Variants in PTPN21 observed in about 807,000 individuals in gnomAD.
PTPN21 encodes tyrosine-protein phosphatase non-receptor type 21.
Under a neutral mutation model 131.8 loss-of-function variants are expected in PTPN21, and 77 were observed. The observed-to-expected ratio is 0.58, with a 90% CI of 0.49 to 0.71. The LOEUF (loss-of-function observed/expected upper bound fraction) is 0.71, where lower values mean the gene tolerates loss of function less well. Among genes scored for constraint, PTPN21 ranks in the 30% least tolerant of loss-of-function variants. The pLI is 0.00. For synonymous variants in PTPN21, 715 were observed against 621.3 expected (o/e 1.15, Z -2.24); for missense variants, 1,552 against 1,527.1 (o/e 1.02, Z -0.27).
At chr14:88,478,792 G>C in intron 13 of PTPN21, 128 bp downstream of exon 13, 2 of 508,018 alleles carry the variant, frequency 3.9e-6, no homozygotes, top group Admixed American at 3.9e-5. Context: ...CAAAAAGAGA[G>C]TGACGTGGGG....
intron 2 of PTPN21, among the ~76,000 whole-genome samples, chr14:88,518,544 C>T (rs911920941): frequency 7.0e-6 from 1 of 143,018 alleles, no homozygotes; most frequent in Admixed American, 7.3e-5. Flanking sequence ...CATTCTCCTG[C>T]CTCAGCCTCC....
At chr14:88,480,433 T>A in intron 12 of PTPN21, 81 bp from the exon 13 acceptor site, 1 of 1,103,720 alleles carries the variant, frequency 9.1e-7, no homozygotes, top group Non-Finnish European at 1.3e-6. Context: ...CCCTTACCTC[T>A]GATGACATTT....
At chr14:88,545,461 A>C (rs1208139996) in intron 2 of PTPN21, among the ~76,000 whole-genome samples, 1 of 152,200 alleles carries the variant, frequency 6.6e-6, no homozygotes, top group African/African-American at 2.4e-5. Context: ...CCAGGTGGCC[A>C]CTTGTGTCAC....
chr14:88,534,182 T>C (rs933634412), intron 2 of PTPN21, among the ~76,000 whole-genome samples: 1 of 142,150 alleles, frequency 7.0e-6, no homozygotes, highest in African/African-American at 2.7e-5. Context: ...AAGATCAGCC[T>C]GGCCAACGCG....
chr14:88,531,730 A>G (rs376590386), intron 2 of PTPN21, among the ~76,000 whole-genome samples: 2 of 152,182 alleles, frequency 1.3e-5, no homozygotes, highest in African/African-American at 4.8e-5. Context: ...ACAAGAACCA[A>G]CCAAACCCAA....
At position 88,479,824 on chromosome 14, in the gene PTPN21, G is replaced by C. The variant is rs1380179700; in HGVS notation, c.1607C>G (p.Ala536Gly). The change falls in exon 13 of 19, where the codon GCG (alanine) becomes GGG (glycine). Residue 536 changes from alanine to glycine, a missense_variant. Ala to Gly is a moderately conservative substitution (Grantham distance 60, BLOSUM62 0). Around this residue, in one of 4 missense-constraint regions of PTPN21, gnomAD observed 1,016 missense variants for 883.5 expected, o/e 1.15. Coordinates refer to ENST00000556564, the MANE Select transcript of PTPN21 (RefSeq NM_007039.4). ...YPAERRPVVG[A>G]VSVPELTNAQ... is the part of the protein sequence containing the mutation. ...ATTGGTCAGCTCCGGCACGCTGACC[G>C]CGCCCACCACGGGCCGCCGCTCGGC... The C allele has an allele frequency of 6.5e-7, 1 of 1,548,624 alleles. No homozygotes were observed. Among genetic ancestry groups the C allele is most frequent in the African/African-American group, 1.4e-5 (1 of 73,968 alleles).
At position 88,496,562 on chromosome 14, in the gene PTPN21, T is replaced by A. The variant is rs186936342; in HGVS notation, c.853-70A>T. On this transcript the variant is annotated intron_variant, in intron 9 of 18. Coordinates refer to ENST00000556564, the MANE Select transcript of PTPN21 (RefSeq NM_007039.4). ...AACTTGATACGTTTAATGCAGAGTT[T>A]GTCTAAAGACATAATGGGTGACATC... 305 of 1,205,150 alleles carry A rather than the reference T, an allele frequency of 2.5e-4. 3 individuals carry two copies. The African/African-American group carries it at 4.1e-3, about 16-fold the overall frequency. 74.7% of individuals were successfully genotyped at this position (1,205,150 alleles called of 1,614,324 possible).
chr14:88,552,326 A>G (rs920388293), intron 1 of PTPN21: 1 of 152,264 alleles, frequency 6.6e-6, no homozygotes, highest in Non-Finnish European at 1.5e-5. Flanking sequence ...CGGCTTTGCC[A>G]AACTTAACAT....
In PTPN21 at chr14:88,505,379, G is replaced by C; in HGVS notation, c.449-8C>G. On this transcript the variant is annotated splice_polypyrimidine_tract_variant and splice_region_variant and intron_variant, in intron 4 of 18. Coordinates refer to ENST00000556564, the MANE Select transcript of PTPN21 (RefSeq NM_007039.4). Reference sequence around the variant, plus strand: ...CAAAGTCACCAAAATCCGCTATATAGAATGACAAACATTCACGTTAATTAT... The same window carrying C: ...CAAAGTCACCAAAATCCGCTATATACAATGACAAACATTCACGTTAATTAT... The C allele has an allele frequency of 6.3e-7, 1 of 1,577,310 alleles. No individual in the cohort carries two copies. Among genetic ancestry groups the C allele is most frequent in the Non-Finnish European group, 8.7e-7 (1 of 1,154,714 alleles).
In PTPN21 at chr14:88,479,362, G is replaced by A. The variant is rs768389107; in HGVS notation, c.2069C>T (p.Ala690Val). The change falls in exon 13 of 19, where the codon GCG (alanine) becomes GTG (valine). Residue 690 changes from alanine to valine, a missense_variant. By Grantham distance (64) the Ala-to-Val change is moderately conservative. Around this residue, in one of 4 missense-constraint regions of PTPN21, gnomAD observed 1,016 missense variants for 883.5 expected, o/e 1.15. Coordinates refer to ENST00000556564, the MANE Select transcript of PTPN21 (RefSeq NM_007039.4). ...CTTATGGCCGTACCTCAAGCCCTCC[G>A]CCTCCTCCGGCCCTTCTCGCTGTGT... ...ERTQREGPEEAEGLRYGHKKS... is the reference protein window; with the variant it reads ...ERTQREGPEEVEGLRYGHKKS... 3 of 1,612,320 alleles carry A rather than the reference G, an allele frequency of 1.9e-6. No homozygotes were observed. The highest frequency in any genetic ancestry group is 1.7e-5 in the Admixed American group (1 of 60,002).
chr14:88,516,332 G>A (rs1595390041), intron 3 of PTPN21, among the ~76,000 whole-genome samples: 1 of 151,844 alleles, frequency 6.6e-6, no homozygotes, highest in Middle Eastern at 3.4e-3. Flanking sequence ...AGGACACAAA[G>A]ATGAAAGGGC....
intron 2 of PTPN21, among the ~76,000 whole-genome samples, chr14:88,525,399 G>C (rs866982345): frequency 6.6e-6 from 1 of 151,982 alleles, no homozygotes; most frequent in Admixed American, 6.6e-5. Flanking sequence ...TATTAAAATG[G>C]GCAAAGGACT....
intron 8 of PTPN21, 89 bp downstream of exon 8, chr14:88,500,694 C>A: frequency 1.1e-6 from 1 of 907,480 alleles, no homozygotes. Context: ...TTGGTATAGA[C>A]TTGTGAACAA....
intron 2 of PTPN21, among the ~76,000 whole-genome samples, chr14:88,532,542 A>C (rs1317175145): frequency 6.6e-6 from 1 of 152,242 alleles, no homozygotes; most frequent in African/African-American, 2.4e-5. Flanking sequence ...GCAATCAAAA[A>C]TACATATTAA....
At chr14:88,470,170 T>A in intron 15 of PTPN21, 120 bp from the exon 16 acceptor site, 2 of 851,760 alleles carry the variant, frequency 2.3e-6, no homozygotes, top group Non-Finnish European at 3.6e-6. Context: ...AAAAAAGTAG[T>A]AAACTGGATT....
chr14:88,485,853 G>T lies in PTPN21; in HGVS notation c.933-11C>A. ...ACAGTCTGAGTTTGCCTATAAAATA[G>T]GATGACTCTGAGAAGAGCACATACA... On this transcript the variant is annotated splice_polypyrimidine_tract_variant and intron_variant, in intron 10 of 18. Coordinates refer to ENST00000556564, the MANE Select transcript of PTPN21 (RefSeq NM_007039.4). 6.3e-7 allele frequency: 1 copy of T among 1,577,850 alleles called. No individual in the cohort carries two copies.
intron 2 of PTPN21, among the ~76,000 whole-genome samples, chr14:88,548,801 T>C (rs1427020279): frequency 6.6e-6 from 1 of 152,180 alleles, no homozygotes; most frequent in African/African-American, 2.4e-5. Context: ...TCACAGGCCT[T>C]GCATAACATT....
rs747677888 is a variant in PTPN21 at position 88,469,034 on chromosome 14, C to T, written c.3278G>A (p.Ser1093Asn). The change falls in exon 18 of 19, where the codon AGC (serine) becomes AAC (asparagine). Residue 1093 changes from serine to asparagine, a missense_variant. Physicochemically the swap from Ser to Asn is conservative, Grantham distance 46. Transcript: ENST00000556564. This position sits in a 1 kb window ranked among gnomAD's most constrained non-coding sequence, Gnocchi z 4.3. ...EIQSVRRHTN[S>N]TSDPQSPNPP... ...GTTGGGGCTTTGGGGATCACTTGTG[C>T]TATTTGTATGGCGTCGAACAGACTG... 2.5e-6 allele frequency: 4 copies of T among 1,614,156 alleles called. No homozygotes were observed. The highest frequency in any genetic ancestry group is 1.7e-5 in the Admixed American group (1 of 60,024).
At chr14:88,535,111 T>G (rs924051226) in intron 2 of PTPN21, among the ~76,000 whole-genome samples, 1 of 152,158 alleles carries the variant, frequency 6.6e-6, no homozygotes, top group African/African-American at 2.4e-5. Context: ...TAGATATGTT[T>G]AAGTACACAA....
Sources: gnomAD v4.1 joint callset for allele counts (sites outside exome capture counted in the v4.1 genomes callset) on GRCh38, gnomAD v4.1.1 for gene constraint, gnomAD v4.1.1 regional missense constraint, Gnocchi (gnomAD v3.1) non-coding constraint, MANE v1.5 for transcripts, NCBI Gene and HGNC (gene_info 2026-07-23, HGNC 2026-07-21) for gene names.